NOL4: variants seen among roughly 807,000 people sequenced by gnomAD.
The protein encoded by NOL4 is cancer/testis antigen 125.
In NOL4, 17 loss-of-function variants were observed where a neutral mutation model predicts 75.9. The ratio of observed to expected loss-of-function variants is 0.22; its 90% CI spans 0.15 to 0.34. The LOEUF is 0.34. Among genes scored for constraint, NOL4 ranks in the 10% least tolerant of loss-of-function variants. The pLI is 1.00. For missense variants in NOL4, 614 were observed against 793.5 expected, an observed-to-expected ratio of 0.77 and a Z score of 2.72; for synonymous variants, 292 against 289.9, an observed-to-expected ratio of 1.01 and a Z score of -0.07.
intron 6 of NOL4, among the ~76,000 whole-genome samples, chr18:33,992,147 G>C (rs2072967444): frequency 6.6e-6 from 1 of 151,722 alleles, no homozygotes; most frequent in South Asian, 2.1e-4. Context: ...ATTTTGCTTG[G>C]CATTTGCATA....
intron 6 of NOL4, among the ~76,000 whole-genome samples, chr18:33,971,420 T>C (rs559257685): frequency 7.9e-5 from 12 of 152,260 alleles, no homozygotes; most frequent in African/African-American, 2.9e-4. Flanking sequence ...CTTTACAAGA[T>C]AGGAAAATGA....
At chr18:34,168,273 C>A (rs1346234771) in intron 1 of NOL4, among the ~76,000 whole-genome samples, 1 of 151,720 alleles carries the variant, frequency 6.6e-6, no homozygotes, top group Non-Finnish European at 1.5e-5. Flanking sequence ...CTGCACATTT[C>A]TCAATAGGAA....
chr18:33,899,367 T>A (rs2065612000), intron 9 of NOL4, among the ~76,000 whole-genome samples: 1 of 152,142 alleles, frequency 6.6e-6, no homozygotes, highest in Non-Finnish European at 1.5e-5. Flanking sequence ...TCTTTTCTGT[T>A]TGCTGGCTCC....
chr18:34,001,284 G>A (rs577905576), intron 6 of NOL4, among the ~76,000 whole-genome samples: 15 of 152,090 alleles, frequency 9.9e-5, no homozygotes, highest in Non-Finnish European at 2.2e-4. Context: ...ATTTTTTAGC[G>A]CTGCAAATAA....
At chr18:34,192,189 T>C (rs920466184) in intron 1 of NOL4, among the ~76,000 whole-genome samples, 2 of 152,172 alleles carry the variant, frequency 1.3e-5, no homozygotes, top group African/African-American at 4.8e-5. Context: ...ACTGCTTCTT[T>C]AGTAAAACAA....
intron 1 of NOL4, among the ~76,000 whole-genome samples, chr18:34,154,184 C>G (rs1170073151): frequency 6.6e-6 from 1 of 152,006 alleles, no homozygotes; most frequent in Non-Finnish European, 1.5e-5. Flanking sequence ...TAAAATCCAA[C>G]AGGCAGAGGC....
intron 1 of NOL4, among the ~76,000 whole-genome samples, chr18:34,216,424 T>C (rs2036891943): frequency 1.3e-5 from 2 of 151,998 alleles, no homozygotes; most frequent in Non-Finnish European, 2.9e-5. Context: ...ATAGAGTGCA[T>C]GGACCTACTT....
intron 9 of NOL4, among the ~76,000 whole-genome samples, chr18:33,889,371 ATAAT>A: frequency 6.6e-6 from 1 of 152,248 alleles, no homozygotes; most frequent in East Asian, 1.9e-4. Flanking sequence ...AATTGAGGCA[ATAAT>A]TAATAGCCTA....
At position 33,949,172 on chromosome 18, in the gene NOL4, T is replaced by G. The variant is rs3786265; in HGVS notation, c.1429-5994A>C. 1.1e-3 allele frequency among the ~76,000 whole-genome samples: 171 copies of G among 152,172 alleles called. 3 individuals carry two copies. In the East Asian group the frequency reaches 0.032, roughly 28 times the overall value. ...TCTATCATGTCCCAAAACTGAAAAG[T>G]TCTAAATTCCAAACCATAGATAAGC... is the stretch of plus-strand genomic sequence containing the variant. On this transcript the variant is annotated intron_variant, in intron 8 of 10. Transcript: ENST00000261592.
chr18:33,934,408 T>C (rs1426743768), intron 9 of NOL4, among the ~76,000 whole-genome samples: 1 of 152,170 alleles, frequency 6.6e-6, no homozygotes, highest in Non-Finnish European at 1.5e-5. Context: ...AGCCAGGCAT[T>C]AATTTCTTCT....
At chr18:34,071,619 G>A (rs1300603556) in intron 5 of NOL4, among the ~76,000 whole-genome samples, 1 of 152,146 alleles carries the variant, frequency 6.6e-6, no homozygotes. Context: ...TAAACTACAT[G>A]AGATACTCAA....
chr18:33,917,139 G>C (rs2066767524), intron 9 of NOL4, among the ~76,000 whole-genome samples: 1 of 152,062 alleles, frequency 6.6e-6, no homozygotes, highest in African/African-American at 2.4e-5. Context: ...CCTAGATTAT[G>C]CAAATGAACT....
At chr18:33,957,202 C>T in intron 8 of NOL4, 124 bp downstream of exon 8, 1 of 684,852 alleles carries the variant, frequency 1.5e-6, no homozygotes. Flanking sequence ...GCAAACAAAA[C>T]CCCCTTTGAC....
intron 5 of NOL4, among the ~76,000 whole-genome samples, chr18:34,075,988 AATTT>A: frequency 6.6e-6 from 1 of 152,154 alleles, no homozygotes; most frequent in African/African-American, 2.4e-5. Context: ...GGGGAGTATA[AATTT>A]TTTATAAGAA....
intron 10 of NOL4, among the ~76,000 whole-genome samples, chr18:33,870,311 G>C (rs1418250883): frequency 6.6e-6 from 1 of 152,042 alleles, no homozygotes; most frequent in Non-Finnish European, 1.5e-5. Context: ...ATAGTAGAGA[G>C]TGGAATGGTG....
At chr18:34,123,215 C>A (rs937212026) in intron 2 of NOL4, among the ~76,000 whole-genome samples, 1 of 151,410 alleles carries the variant, frequency 6.6e-6, no homozygotes, top group Non-Finnish European at 1.5e-5. Flanking sequence ...GCAACTACAC[C>A]TATATGAGAT....
At chr18:34,130,201 GA>G (rs1652161297) in intron 1 of NOL4, among the ~76,000 whole-genome samples, 181 bp from the exon 2 acceptor site, 1 of 151,874 alleles carries the variant, frequency 6.6e-6, no homozygotes, top group African/African-American at 2.4e-5. Flanking sequence ...ACAGAACTTG[GA>G]AAAACATGAG....
intron 5 of NOL4, among the ~76,000 whole-genome samples, chr18:34,068,417 T>C (rs2077371661): frequency 6.6e-6 from 1 of 152,172 alleles, no homozygotes; most frequent in Non-Finnish European, 1.5e-5. Context: ...TTTTATTTTT[T>C]TGAGACAGAG....
At chr18:34,115,392 G>A (rs1277191792) in intron 2 of NOL4, among the ~76,000 whole-genome samples, 4 of 152,078 alleles carry the variant, frequency 2.6e-5, no homozygotes, top group Admixed American at 6.5e-5. Context: ...TCAAAGTCAT[G>A]GGCTCAAGCA....
Sources: gnomAD v4.1 joint callset for allele counts (sites outside exome capture counted in the v4.1 genomes callset) on GRCh38, gnomAD v4.1.1 for gene constraint, MANE v1.5 for transcripts, NCBI Gene and HGNC (gene_info 2026-07-23, HGNC 2026-07-21) for gene names.